Variants in ALG12 observed in about 807,000 individuals in gnomAD.
ALG12 encodes ALG12 alpha-1,6-mannosyltransferase, also known as dol-P-Man:Man(7)GlcNAc(2)-PP-Dol alpha-1,6-mannosyltransferase.
ALG12 carries 36 observed loss-of-function variants against 46.0 expected under a neutral mutation model. The ratio of observed to expected loss-of-function variants is 0.78; its 90% CI spans 0.60 to 1.03. ALG12 has a LOEUF of 1.03. Ranked by LOEUF, ALG12 falls within the 50% of genes least tolerant of loss-of-function variation. The pLI is 0.00. For synonymous variants in ALG12, 326 were observed against 291.6 expected (o/e 1.12, Z -1.20); for missense variants, 599 against 633.5 (o/e 0.95, Z 0.58).
intron 1 of ALG12, among the ~76,000 whole-genome samples, chr22:49,916,263 A>T (rs112813072): frequency 0.11 from 16,136 of 150,504 alleles, 1,154 homozygotes; most frequent in African/African-American, 0.2. Flanking sequence ...AAAAATAAAT[A>T]AATAAATTAA....
the ALG12 span, among the ~76,000 whole-genome samples, chr22:49,875,578 G>A: frequency 3.3e-5 from 5 of 151,544 alleles, no homozygotes; most frequent in East Asian, 1.9e-4. Flanking sequence ...GCACCACCAC[G>A]CCCGGCTAAT....
chr22:49,904,173 T>G lies in ALG12; in HGVS notation c.1238+6A>C. Reference sequence around the variant, plus strand: ...CTGGGAGGGCCGTGCTGTGTGTGGATCCTACCTCCAGGCGCTGTTGACTTG... The same window carrying G: ...CTGGGAGGGCCGTGCTGTGTGTGGAGCCTACCTCCAGGCGCTGTTGACTTG... On this transcript the variant is annotated splice_donor_region_variant and intron_variant, in intron 9 of 9. Coordinates refer to ENST00000330817, the MANE Select transcript of ALG12 (RefSeq NM_024105.4). The G allele has an allele frequency of 1.9e-6, 3 of 1,614,200 alleles. No individual in the cohort carries two copies. The highest frequency in any genetic ancestry group is 2.5e-6 in the Non-Finnish European group (3 of 1,180,022).
chr22:49,885,358 C>A, the ALG12 span: 1 of 1,588,632 alleles, frequency 6.3e-7, no homozygotes, highest in Non-Finnish European at 8.6e-7. Flanking sequence ...GCTGTGGAAT[C>A]ATTTTTCTAT....
rs1403565084 is a variant in ALG12, at chr22:49,902,200, G to A, written c.*1638C>T. ...TGTGTGGTGTGTATGCATGGTGTGT[G>A]CACATGTGCACTGTGTGGTGTGTAT... is the stretch of plus-strand genomic sequence containing the variant. On this transcript the variant is annotated 3_prime_UTR_variant, in exon 10 of 10. Coordinates refer to ENST00000330817, the MANE Select transcript of ALG12 (RefSeq NM_024105.4). 2 of 142,912 alleles carry A rather than the reference G, an allele frequency of 1.4e-5. No homozygotes were observed. The highest frequency in any genetic ancestry group is 3.0e-5 in the Non-Finnish European group (2 of 66,648). 8.9% of individuals were successfully genotyped at this position (142,912 alleles called of 1,614,324 possible). A position where few individuals can be genotyped will look rare whatever the true frequency, so the allele number is the denominator to read the frequency against.
the ALG12 span, among the ~76,000 whole-genome samples, chr22:49,869,731 A>T: frequency 6.6e-6 from 1 of 152,206 alleles, no homozygotes. Context: ...ACGCATCCCC[A>T]GCTTCAGAAT....
intron 7 of ALG12, 42 bp from the exon 8 acceptor site, chr22:49,904,548 A>G (rs550879131): frequency 6.2e-7 from 1 of 1,609,342 alleles, no homozygotes. Flanking sequence ...GAACGTAATG[A>G]CAATAAAATT....
At chr22:49,895,925 G>C (rs2060481807), downstream of ALG12, among the ~76,000 whole-genome samples, 2 of 152,162 alleles carry the variant, frequency 1.3e-5, no homozygotes, top group African/African-American at 2.4e-5. Context: ...AGTCCACTTG[G>C]CAGTCTTGGT....
At chr22:49,869,371 C>A in the ALG12 span, among the ~76,000 whole-genome samples, 3 of 152,200 alleles carry the variant, frequency 2.0e-5, no homozygotes, top group Non-Finnish European at 4.4e-5. Flanking sequence ...CCACCTCGGG[C>A]CTTTTTGGCA....
intron 5 of ALG12, 43 bp from the exon 6 acceptor site, chr22:49,909,390 T>C: frequency 6.4e-7 from 1 of 1,555,280 alleles, no homozygotes; most frequent in Non-Finnish European, 8.8e-7. Context: ...AACACAGCCA[T>C]CAGTAAACAT....
chr22:49,907,437 T>C (rs2060548591), intron 7 of ALG12, among the ~76,000 whole-genome samples: 1 of 152,012 alleles, frequency 6.6e-6, no homozygotes, highest in African/African-American at 2.4e-5. Context: ...AGGACTGGGG[T>C]CACCCTCCTT....
At chr22:49,861,364 A>G in the ALG12 span, among the ~76,000 whole-genome samples, 1 of 151,882 alleles carries the variant, frequency 6.6e-6, no homozygotes, top group African/African-American at 2.4e-5. Flanking sequence ...CTGGCCTCAA[A>G]CTCTTGGCTG....
Position 49,902,893 on chromosome 22 carries a change from C to G in ALG12, c.*945G>C, listed in dbSNP as rs970591619. On this transcript the variant is annotated 3_prime_UTR_variant, in exon 10 of 10. Coordinates refer to ENST00000330817, the MANE Select transcript of ALG12 (RefSeq NM_024105.4). ...ATGCATGGTAATGTGCACGTGTGCA[C>G]TGTGTGTGGTGTGTATGCATGGTGT... is the stretch of plus-strand genomic sequence containing the variant. The G allele has an allele frequency of 9.5e-4, 152 of 160,618 alleles. 3 individuals are homozygous for G. The highest frequency in any genetic ancestry group is 1.6e-3 in the Non-Finnish European group (133 of 85,618). 9.9% of individuals were successfully genotyped at this position (160,618 alleles called of 1,614,324 possible).
chr22:49,910,687 A>G, intron 3 of ALG12, 80 bp from the exon 4 acceptor site: 1 of 1,518,734 alleles, frequency 6.6e-7, no homozygotes, highest in Non-Finnish European at 9.1e-7. Flanking sequence ...CCTTCTACAC[A>G]GATCTTTCTA....
Position 49,902,512 on chromosome 22 carries a change from C to T in ALG12, c.*1326G>A, listed in dbSNP as rs1470904184. ...TGTATGCATGGTGTGTGCACATGTG[C>T]ACTGTGTATGCATGGTAATGTGCAC... On this transcript the variant is annotated 3_prime_UTR_variant, in exon 10 of 10. Coordinates refer to ENST00000330817, the MANE Select transcript of ALG12 (RefSeq NM_024105.4). 1 of 129,734 alleles carries T rather than the reference C, an allele frequency of 7.7e-6. No individual in the cohort carries two copies. The highest frequency in any genetic ancestry group is 2.4e-4 in the East Asian group (1 of 4,122). The allele number at this position is 129,734 out of a possible 1,614,324, so 8.0% of individuals were successfully genotyped here.
At chr22:49,890,580 A>G in the ALG12 span, among the ~76,000 whole-genome samples, 100 of 152,322 alleles carry the variant, frequency 6.6e-4, 1 homozygote, top group African/African-American at 2.4e-3. Context: ...TGATTTCCCA[A>G]CAAAACTCTT....
chr22:49,879,157 A>C, the ALG12 span, among the ~76,000 whole-genome samples: 1 of 150,422 alleles, frequency 6.6e-6, no homozygotes, highest in African/African-American at 2.4e-5. Flanking sequence ...AAAAAAACAA[A>C]AAACAAAAAA....
At chr22:49,912,446 T>A (rs2060583940) in intron 3 of ALG12, among the ~76,000 whole-genome samples, 1 of 152,166 alleles carries the variant, frequency 6.6e-6, no homozygotes, top group Non-Finnish European at 1.5e-5. Context: ...TTTCCCTGGC[T>A]CGTGGCCCCC....
the ALG12 span, among the ~76,000 whole-genome samples, chr22:49,863,625 CAA>C: frequency 0.013 from 1,263 of 94,290 alleles, 10 homozygotes; most frequent in African/African-American, 0.036. Flanking sequence ...GACTCCGTCT[CAA>C]AAAAAAAAAA....
At chr22:49,907,358 C>T (rs771733012) in intron 7 of ALG12, among the ~76,000 whole-genome samples, 2 of 152,210 alleles carry the variant, frequency 1.3e-5, no homozygotes, top group African/African-American at 2.4e-5. Context: ...ACAGAGACCA[C>T]CTGAGCAAAG....
Sources: allele counts gnomAD v4.1 joint callset (sites outside exome capture counted in the v4.1 genomes callset), GRCh38; gene constraint gnomAD v4.1.1; transcripts MANE v1.5; gene names NCBI Gene and HGNC (gene_info 2026-07-23, HGNC 2026-07-21).